The following PHACTR1 variants were observed in gnomAD, a reference collection of about 807,000 sequenced individuals.
PHACTR1 encodes RPEL repeat containing 1.
In PHACTR1, 16 loss-of-function variants were observed where a neutral mutation model predicts 69.2. The ratio of observed to expected loss-of-function variants is 0.23; its 90% confidence interval spans 0.16 to 0.35. PHACTR1 has a LOEUF of 0.35. PHACTR1 is among the 10% of genes least tolerant of loss of function. The pLI, the probability that PHACTR1 is intolerant of heterozygous loss-of-function variation, is 1.00. For missense variants in PHACTR1, 510 were observed against 734.7 expected (o/e 0.69, Z 3.54); for synonymous variants, 312 against 284.5 (o/e 1.10, Z -0.97).
At chr6:13,278,029 AT>A in intron 11 of PHACTR1, 1 of 320,810 alleles carries the variant, frequency 3.1e-6, no homozygotes, top group Non-Finnish European at 6.0e-6. Flanking sequence ...CTGAAACCCC[AT>A]GTGATGTAAA....
intron 8 of PHACTR1, 49 bp from the exon 9 acceptor site, chr6:13,227,767 A>G (rs1770032938): frequency 1.3e-6 from 2 of 1,595,054 alleles, no homozygotes; most frequent in East Asian, 4.5e-5. Context: ...GCATTTATAT[A>G]GCACGTTAGC....
At chr6:12,890,381 A>G (rs1784060236) in intron 4 of PHACTR1, among the ~76,000 whole-genome samples, 2 of 152,038 alleles carry the variant, frequency 1.3e-5, no homozygotes, top group Non-Finnish European at 2.9e-5. Flanking sequence ...AGCCAGAGGG[A>G]GCCTTTTCAG....
At chr6:12,908,759 T>C (rs546553941) in intron 4 of PHACTR1, among the ~76,000 whole-genome samples, 32 of 152,260 alleles carry the variant, frequency 2.1e-4, no homozygotes, top group African/African-American at 7.2e-4. Flanking sequence ...GTCAGCCGGG[T>C]GCTGGATGCC....
intron 4 of PHACTR1, among the ~76,000 whole-genome samples, chr6:13,010,515 G>A (rs1799328666): frequency 6.6e-6 from 1 of 152,186 alleles, no homozygotes; most frequent in Non-Finnish European, 1.5e-5. Context: ...CTGGTAGGCT[G>A]ATTTCTAGAG....
intron 6 of PHACTR1, among the ~76,000 whole-genome samples, chr6:13,168,692 G>T (rs1237055): frequency 0.14 from 21,378 of 152,140 alleles, 1,637 homozygotes; most frequent in East Asian, 0.23. Context: ...GTATCTTAGA[G>T]GAACCCTGCG....
intron 4 of PHACTR1, among the ~76,000 whole-genome samples, chr6:12,971,764 A>G (rs1794239096): frequency 6.6e-6 from 1 of 152,262 alleles, no homozygotes; most frequent in African/African-American, 2.4e-5. Flanking sequence ...TGTGAATCAC[A>G]TACAGGTGAA....
intron 4 of PHACTR1, among the ~76,000 whole-genome samples, chr6:12,856,813 A>G (rs1417767407): frequency 6.6e-6 from 1 of 152,156 alleles, no homozygotes; most frequent in South Asian, 2.1e-4. Flanking sequence ...GCTGGTTTTT[A>G]TTTGAGAATT....
chr6:12,824,031 T>C (rs58666803), intron 4 of PHACTR1, among the ~76,000 whole-genome samples: 17,597 of 152,054 alleles, frequency 0.12, 1,138 homozygotes, highest in East Asian at 0.18. Flanking sequence ...TAGCAGGAGG[T>C]GAGCAGTGGG....
At chr6:13,085,146 T>C (rs1812064158) in intron 5 of PHACTR1, among the ~76,000 whole-genome samples, 1 of 152,012 alleles carries the variant, frequency 6.6e-6, no homozygotes, top group Non-Finnish European at 1.5e-5. Flanking sequence ...CATTATTTGA[T>C]AAAGTTTAAC....
chr6:12,908,388 C>T (rs910677510), intron 4 of PHACTR1, among the ~76,000 whole-genome samples: 7 of 152,046 alleles, frequency 4.6e-5, no homozygotes, highest in South Asian at 2.1e-4. Context: ...GAGCTCAGTC[C>T]CAGGGATAAA....
intron 3 of PHACTR1, among the ~76,000 whole-genome samples, chr6:12,735,650 T>G (rs1764140300): frequency 6.6e-6 from 1 of 152,228 alleles, no homozygotes; most frequent in African/African-American, 2.4e-5. Flanking sequence ...TTGTCTTTCA[T>G]TCATGTATAT....
chr6:13,013,870 G>C (rs1372046700), intron 4 of PHACTR1, among the ~76,000 whole-genome samples: 2 of 148,056 alleles, frequency 1.4e-5, no homozygotes, highest in Non-Finnish European at 3.0e-5. Context: ...GCCCGGCCCC[G>C]GGCGCCCGGG....
intron 3 of PHACTR1, among the ~76,000 whole-genome samples, chr6:12,725,071 G>C (rs1375872716): frequency 1.3e-5 from 2 of 152,102 alleles, no homozygotes; most frequent in African/African-American, 4.8e-5. Context: ...TTTGACAACT[G>C]ATGAATGCCA....
chr6:13,226,230 A>T (rs1041628006), intron 8 of PHACTR1, among the ~76,000 whole-genome samples: 2 of 152,220 alleles, frequency 1.3e-5, no homozygotes, highest in African/African-American at 4.8e-5. Context: ...GTGTCACTGA[A>T]GAGTTCTGTG....
At chr6:12,945,494 T>C (rs1790575678) in intron 4 of PHACTR1, among the ~76,000 whole-genome samples, 1 of 152,178 alleles carries the variant, frequency 6.6e-6, no homozygotes, top group Non-Finnish European at 1.5e-5. Flanking sequence ...TAAGGACAGA[T>C]GAAATAAAAT....
At chr6:13,263,648 T>A (rs1776228142) in intron 10 of PHACTR1, among the ~76,000 whole-genome samples, 1 of 152,230 alleles carries the variant, frequency 6.6e-6, no homozygotes, top group Non-Finnish European at 1.5e-5. Context: ...TCTCCAAAAA[T>A]CATTGCCTTT....
At chr6:12,796,168 A>G (rs1038973998) in intron 4 of PHACTR1, among the ~76,000 whole-genome samples, 4 of 152,218 alleles carry the variant, frequency 2.6e-5, no homozygotes, top group Non-Finnish European at 4.4e-5. Flanking sequence ...TGTCATTTCT[A>G]AATATGCATT....
At chr6:12,857,361 C>T (rs1483360337) in intron 4 of PHACTR1, among the ~76,000 whole-genome samples, 5 of 152,104 alleles carry the variant, frequency 3.3e-5, no homozygotes, top group African/African-American at 9.6e-5. Context: ...CCTGTAGTCC[C>T]GGCACTGTGG....
intron 4 of PHACTR1, among the ~76,000 whole-genome samples, chr6:13,005,119 T>C (rs557862338): frequency 4.9e-4 from 75 of 151,990 alleles, no homozygotes; most frequent in African/African-American, 1.6e-3. Context: ...TCTTCCCTGC[T>C]AGTGGTCTTT....
Sources: gnomAD v4.1 joint callset for allele counts (sites outside exome capture counted in the v4.1 genomes callset) on GRCh38, gnomAD v4.1.1 for gene constraint, MANE v1.5 for transcripts, NCBI Gene and HGNC (gene_info 2026-07-23, HGNC 2026-07-21) for gene names.